KCNQ1: variants seen among roughly 807,000 people sequenced by gnomAD.
The protein encoded by KCNQ1 is potassium voltage-gated channel subfamily KQT member 1.
A neutral mutation model predicts 72.4 loss-of-function variants in KCNQ1; 49 were observed. The observed-to-expected ratio is 0.68, with a 90% CI of 0.54 to 0.86. The LOEUF (loss-of-function observed/expected upper bound fraction) is 0.86, where lower values mean the gene tolerates loss of function less well. Among genes scored for constraint, KCNQ1 ranks in the 40% least tolerant of loss-of-function variants. KCNQ1 has a pLI of 0.00. For synonymous variants in KCNQ1, 450 were observed against 412.6 expected (o/e 1.09, Z -1.10); for missense variants, 790 against 945.1 (o/e 0.84, Z 2.15).
Position 2,695,196 on chromosome 11 carries a change from A to G in KCNQ1, c.1514+33115A>G, listed in dbSNP as rs1850653559. On this transcript the variant is annotated intron_variant, in intron 11 of 15. Transcript: ENST00000155840. The surrounding 1 kb of genome is among the most constrained non-coding windows in gnomAD (Gnocchi z 5.2). ...GATCACAGCCCTCAGCCTATGAAAC[A>G]CTGTCACCCTGTAAGGGTCTGCATA... 2.5e-6 allele frequency: 1 copy of G among 398,466 alleles called. No individual in the cohort carries two copies. The highest frequency in any genetic ancestry group is 2.1e-5 in the African/African-American group (1 of 48,592). The allele number at this position is 398,466 out of a possible 1,614,324, so 24.7% of individuals were successfully genotyped here.
Position 2,463,246 on chromosome 11 carries a change from T to C in KCNQ1, c.386+17762T>C, listed in dbSNP as rs1299321096. On this transcript the variant is annotated intron_variant, in intron 1 of 15. Coordinates refer to ENST00000155840, the MANE Select transcript of KCNQ1 (RefSeq NM_000218.3). The surrounding 1 kb of genome is among the most constrained non-coding windows in gnomAD (Gnocchi z 7.0). ...CTGTGTGCCTGGAGAGCCTAATCCCTACCTGCCAGTGGGTGACACAGAAGG... is the reference window on the plus strand; with the variant it reads ...CTGTGTGCCTGGAGAGCCTAATCCCCACCTGCCAGTGGGTGACACAGAAGG... Among the ~76,000 whole-genome samples the C allele has an allele frequency of 6.6e-6, 1 of 152,138 alleles. No individual in the cohort carries two copies. The highest frequency in any genetic ancestry group is 2.4e-5 in the African/African-American group (1 of 41,418).
At chr11:2,635,453 T>G (rs1405306877) in intron 10 of KCNQ1, 4 of 152,190 alleles carry the variant, frequency 2.6e-5, no homozygotes, top group Admixed American at 6.5e-5. Context: ...TTTCCCCATT[T>G]CTTGTTTCTG....
intron 1 of KCNQ1, among the ~76,000 whole-genome samples, chr11:2,459,794 G>C (rs936128010): frequency 1.3e-5 from 2 of 152,160 alleles, no homozygotes; most frequent in Admixed American, 6.5e-5. Context: ...AAATCAGGCA[G>C]GGATTCCCTT....
Position 2,446,272 on chromosome 11 carries a change from T to G in KCNQ1, c.386+788T>G, listed in dbSNP as rs923316485. Among the ~76,000 whole-genome samples, 1 of 152,140 alleles carries G rather than the reference T, an allele frequency of 6.6e-6. No individual in the cohort carries two copies. Among genetic ancestry groups the G allele is most frequent in the Non-Finnish European group, 1.5e-5 (1 of 68,004 alleles). ...TCACCTCCGGGAAGGTCCAGGCTGC[T>G]CTCCTCCATGCCTGCCTGGGGCCTT... On this transcript the variant is annotated intron_variant, in intron 1 of 15. Coordinates refer to ENST00000155840, the MANE Select transcript of KCNQ1 (RefSeq NM_000218.3). This position sits in a 1 kb window ranked among gnomAD's most constrained non-coding sequence, Gnocchi z 8.8.
chr11:2,665,840 G>A (rs546841805), intron 11 of KCNQ1: 9 of 398,650 alleles, frequency 2.3e-5, no homozygotes, highest in African/African-American at 4.1e-5. Flanking sequence ...GAGGCACAGG[G>A]CTAGGGGCCT....
intron 15 of KCNQ1, among the ~76,000 whole-genome samples, chr11:2,845,630 T>A (rs950687601): frequency 6.6e-6 from 1 of 152,190 alleles, no homozygotes; most frequent in Non-Finnish European, 1.5e-5. Flanking sequence ...GATGTACACC[T>A]GCCCTTGTGT....
rs1846672938 is a variant in KCNQ1, at chr11:2,482,749, G to C, written c.386+37265G>C. On this transcript the variant is annotated intron_variant, in intron 1 of 15. Coordinates refer to ENST00000155840, the MANE Select transcript of KCNQ1 (RefSeq NM_000218.3). This position sits in a 1 kb window ranked among gnomAD's most constrained non-coding sequence, Gnocchi z 5.7. The stretch of plus-strand genomic sequence containing the variant: ...ATATCCTTCCTCCTCTTAGTGAGGG[G>C]AGTATGTTTATGTTTGTTGAGCTCT... 6.6e-6 allele frequency among the ~76,000 whole-genome samples: 1 copy of C among 152,262 alleles called. No individual in the cohort carries two copies. Among genetic ancestry groups the C allele is most frequent in the Non-Finnish European group, 1.5e-5 (1 of 68,026 alleles).
rs930513567 is a variant in KCNQ1, at chr11:2,743,749, G to A, written c.1515-25095G>A. Among the ~76,000 whole-genome samples, 5 of 152,362 alleles carry A rather than the reference G, an allele frequency of 3.3e-5. No individual in the cohort carries two copies. The East Asian group carries it at 7.7e-4, about 24-fold the overall frequency. ...GCCATCTAAGGCCCAACTGTGCTTC[G>A]TGACAGGCCTTTGAGCCTAAAAGGA... On this transcript the variant is annotated intron_variant, in intron 11 of 15. Transcript: ENST00000155840.
chr11:2,474,648 C>T lies in KCNQ1; in HGVS notation c.386+29164C>T, dbSNP rs555013977. 4.5e-3 allele frequency among the ~76,000 whole-genome samples: 310 copies of T among 69,164 alleles called. 1 individual carries two copies. Among genetic ancestry groups the T allele is most frequent in the Non-Finnish European group, 9.4e-3 (227 of 24,268 alleles). The allele number at this position is 69,164 out of a possible 152,430, so 45.4% of individuals were successfully genotyped here. On this transcript the variant is annotated intron_variant, in intron 1 of 15. Transcript: ENST00000155840. ...TCACCGCCCAGACAAAAGGCCCTTG[C>T]GTCAGAGTGTTCCATGTGGGGCGGG...
rs1447262806 is a variant in KCNQ1 at position 2,695,741 on chromosome 11, T to C, written c.1514+33660T>C. The C allele has an allele frequency of 1.8e-5, 7 of 398,546 alleles. No homozygotes were observed. The highest frequency in any genetic ancestry group is 3.6e-5 in the East Asian group (1 of 28,084). 24.7% of individuals were successfully genotyped at this position (398,546 alleles called of 1,614,324 possible). A position where few individuals can be genotyped will look rare whatever the true frequency, so the allele number is the denominator to read the frequency against. On this transcript the variant is annotated intron_variant, in intron 11 of 15. Coordinates refer to ENST00000155840, the MANE Select transcript of KCNQ1 (RefSeq NM_000218.3). This position sits in a 1 kb window ranked among gnomAD's most constrained non-coding sequence, Gnocchi z 5.2. ...ACCTGCAGCACACAGGGAGGCTTGT[T>C]CCTTGCCTTCTGCCAACACTTGGCC...
Position 2,627,789 on chromosome 11 carries a change from C to A in KCNQ1, c.1394-34172C>A. 1 of 398,328 alleles carries A rather than the reference C, an allele frequency of 2.5e-6. No homozygotes were observed. The highest frequency in any genetic ancestry group is 1.3e-4 in the South Asian group (1 of 7,640). 24.7% of individuals were successfully genotyped at this position (398,328 alleles called of 1,614,324 possible). ...TTTTTGAGACAGGGTCTCCATCTGT[C>A]ATCCAGGCAGGAGTACAGTGGCACA... On this transcript the variant is annotated intron_variant, in intron 10 of 15. Coordinates refer to ENST00000155840, the MANE Select transcript of KCNQ1 (RefSeq NM_000218.3). This position sits in a 1 kb window ranked among gnomAD's most constrained non-coding sequence, Gnocchi z 4.9.
rs927344245 is a variant in KCNQ1 at position 2,654,123 on chromosome 11, C to T, written c.1394-7838C>T. 7 of 398,768 alleles carry T rather than the reference C, an allele frequency of 1.8e-5. No individual in the cohort carries two copies. In the South Asian group the frequency reaches 3.8e-4, roughly 22 times the overall value. The allele number at this position is 398,768 out of a possible 1,614,324, so 24.7% of individuals were successfully genotyped here. A position where few individuals can be genotyped will look rare whatever the true frequency, so the allele number is the denominator to read the frequency against. On this transcript the variant is annotated intron_variant, in intron 10 of 15. Transcript: ENST00000155840. The surrounding 1 kb of genome is among the most constrained non-coding windows in gnomAD (Gnocchi z 6.4). ...CTCTGAGTGGAGACACAGGTGGTGG[C>T]GGGGCCACTCTGGCTCAGGGTCTAT...
intron 11 of KCNQ1, chr11:2,665,439 C>T (rs1032710682): frequency 5.0e-6 from 2 of 397,506 alleles, no homozygotes; most frequent in Non-Finnish European, 8.9e-6. Context: ...ATCCTCTGCT[C>T]ACCAAGGGTC....
chr11:2,586,663 T>A (rs1848596518), intron 8 of KCNQ1, among the ~76,000 whole-genome samples: 1 of 152,126 alleles, frequency 6.6e-6, no homozygotes, highest in Non-Finnish European at 1.5e-5. Context: ...TGTGTAACAC[T>A]CGGGCCTTGG....
chr11:2,786,400 T>C (rs552759690), intron 15 of KCNQ1, among the ~76,000 whole-genome samples: 5 of 152,276 alleles, frequency 3.3e-5, no homozygotes, highest in African/African-American at 1.2e-4. Context: ...TTCACTAGGA[T>C]ATGTTAATAG....
chr11:2,608,544 T>C lies in KCNQ1; in HGVS notation c.1393+19690T>C. On this transcript the variant is annotated intron_variant, in intron 10 of 15. Coordinates refer to ENST00000155840, the MANE Select transcript of KCNQ1 (RefSeq NM_000218.3). This position sits in a 1 kb window ranked among gnomAD's most constrained non-coding sequence, Gnocchi z 4.6. Reference sequence around the variant, plus strand: ...AGGCTGGAATAGAGTGGTGTAATCATAGCTCACTGTAACCTCGATCTCCTA... The same window carrying C: ...AGGCTGGAATAGAGTGGTGTAATCACAGCTCACTGTAACCTCGATCTCCTA... 7.5e-6 allele frequency: 3 copies of C among 398,608 alleles called. No individual in the cohort carries two copies. Among genetic ancestry groups the C allele is most frequent in the Admixed American group, 4.4e-5 (1 of 22,734 alleles). The allele number at this position is 398,608 out of a possible 1,614,324, so 24.7% of individuals were successfully genotyped here.
rs1257616972 is a variant in KCNQ1, at chr11:2,497,850, T to C, written c.387-30078T>C. Among the ~76,000 whole-genome samples, 4 of 152,212 alleles carry C rather than the reference T, an allele frequency of 2.6e-5. No homozygotes were observed. Among genetic ancestry groups the C allele is most frequent in the African/African-American group, 9.6e-5 (4 of 41,458 alleles). Reference sequence around the variant, plus strand: ...GGCTGATGACCTTTGGATGGGGTTTTTGTGTGGGGGGTCCCTTTTGTTGAT... The same window carrying C: ...GGCTGATGACCTTTGGATGGGGTTTCTGTGTGGGGGGTCCCTTTTGTTGAT... On this transcript the variant is annotated intron_variant, in intron 1 of 15. Coordinates refer to ENST00000155840, the MANE Select transcript of KCNQ1 (RefSeq NM_000218.3). This position sits in a 1 kb window ranked among gnomAD's most constrained non-coding sequence, Gnocchi z 4.5.
intron 6 of KCNQ1, among the ~76,000 whole-genome samples, chr11:2,574,554 C>T (rs935371756): frequency 3.3e-5 from 5 of 152,182 alleles, no homozygotes; most frequent in Non-Finnish European, 5.9e-5. Flanking sequence ...CAGAAAGGAC[C>T]GGACTTGCTG....
At chr11:2,751,721 C>G (rs75898263) in intron 11 of KCNQ1, among the ~76,000 whole-genome samples, 1 of 152,260 alleles carries the variant, frequency 6.6e-6, no homozygotes, top group East Asian at 1.9e-4. Context: ...TCTGCAGATG[C>G]GCTGTGTCCC....
Sources: gnomAD v4.1 joint callset for allele counts (sites outside exome capture counted in the v4.1 genomes callset) on GRCh38, gnomAD v4.1.1 for gene constraint, Gnocchi (gnomAD v3.1) non-coding constraint, MANE v1.5 for transcripts, NCBI Gene and HGNC (gene_info 2026-07-23, HGNC 2026-07-21) for gene names.